NELL1: variants seen among roughly 807,000 people sequenced by gnomAD.
NELL1 encodes the protein neural EGFL like 1.
Under a neutral mutation model 107.4 loss-of-function variants are expected in NELL1, and 76 were observed. The ratio of observed to expected loss-of-function variants is 0.71; its 90% CI spans 0.59 to 0.86. NELL1 has a LOEUF of 0.86. NELL1 is among the 40% of genes least tolerant of loss of function. NELL1 has a pLI of 0.00. For missense variants in NELL1, 1,024 were observed against 1,005.5 expected (o/e 1.02, Z -0.25); for synonymous variants, 353 against 341.2 (o/e 1.03, Z -0.38).
At chr11:21,541,440 C>G (rs1291806025) in intron 16 of NELL1, among the ~76,000 whole-genome samples, 3 of 152,076 alleles carry the variant, frequency 2.0e-5, no homozygotes, top group East Asian at 3.9e-4. Context: ...TCCATTTTAT[C>G]TGGTGGATGT....
intron 12 of NELL1, among the ~76,000 whole-genome samples, chr11:20,974,757 A>G (rs1223072546): frequency 6.6e-6 from 1 of 152,106 alleles, no homozygotes. Flanking sequence ...TTTCTCTTAC[A>G]CTGAAGGCTT....
chr11:21,503,727 G>A (rs1165280925), intron 15 of NELL1, among the ~76,000 whole-genome samples: 2 of 152,140 alleles, frequency 1.3e-5, no homozygotes. Context: ...GCTATTCTCA[G>A]TCAGCAAGAC....
chr11:20,875,676 C>T (rs1849290675), intron 4 of NELL1, among the ~76,000 whole-genome samples: 1 of 152,172 alleles, frequency 6.6e-6, no homozygotes, highest in African/African-American at 2.4e-5. Context: ...CTTATATGAT[C>T]TGGTTATTTG....
chr11:21,069,706 G>A (rs536914395), intron 12 of NELL1, among the ~76,000 whole-genome samples: 2 of 152,236 alleles, frequency 1.3e-5, no homozygotes, highest in South Asian at 2.1e-4. Context: ...TAGAATTTTA[G>A]TATCTTTCTT....
At chr11:21,217,290 C>G (rs1043444130) in intron 13 of NELL1, among the ~76,000 whole-genome samples, 3 of 151,968 alleles carry the variant, frequency 2.0e-5, no homozygotes, top group African/African-American at 7.3e-5. Context: ...TCTTTATCAG[C>G]AGTGTGAGAA....
rs1387107568 is a variant in NELL1, at chr11:20,927,263, T to G, written c.760-45T>G. On this transcript the variant is annotated intron_variant, in intron 7 of 19. Coordinates refer to ENST00000357134, the MANE Select transcript of NELL1 (RefSeq NM_006157.5). ...GTTGCTATTAGCTTTGTTAGGATGA[T>G]GCAATTGAATTACAGAAATTACATT... is the stretch of plus-strand genomic sequence containing the variant. 4 of 1,568,908 alleles carry G rather than the reference T, an allele frequency of 2.5e-6. No homozygotes were observed. The South Asian group carries it at 4.8e-5, about 19-fold the overall frequency.
At chr11:21,176,932 GGTCAA>G (rs1383032287) in intron 13 of NELL1, among the ~76,000 whole-genome samples, 1 of 151,370 alleles carries the variant, frequency 6.6e-6, no homozygotes, top group African/African-American at 2.4e-5. Flanking sequence ...CATGTTATTT[GGTCAA>G]GTCGAGTTCT....
intron 2 of NELL1, among the ~76,000 whole-genome samples, chr11:20,716,834 C>T (rs952319254): frequency 1.3e-5 from 2 of 152,192 alleles, no homozygotes; most frequent in African/African-American, 4.8e-5. Flanking sequence ...TGTATTAGAA[C>T]AGCATTGGGT....
chr11:21,032,290 G>T (rs757183822), intron 12 of NELL1, among the ~76,000 whole-genome samples: 30 of 151,682 alleles, frequency 2.0e-4, no homozygotes, highest in African/African-American at 6.8e-4. Flanking sequence ...CTTTATTGTG[G>T]GTTGCTACCC....
At chr11:21,401,361 G>C (rs146903502) in intron 15 of NELL1, among the ~76,000 whole-genome samples, 170 of 151,842 alleles carry the variant, frequency 1.1e-3, no homozygotes, top group African/African-American at 4.0e-3. Context: ...GACTTTATTT[G>C]TTACTTTGAG....
chr11:21,192,288 T>G (rs1857065661), intron 13 of NELL1, among the ~76,000 whole-genome samples: 1 of 151,930 alleles, frequency 6.6e-6, no homozygotes, highest in South Asian at 2.1e-4. Flanking sequence ...AAACACATTT[T>G]GAATATTTTA....
At chr11:21,516,939 A>G (rs1386368411) in intron 15 of NELL1, among the ~76,000 whole-genome samples, 1 of 151,432 alleles carries the variant, frequency 6.6e-6, no homozygotes, top group Non-Finnish European at 1.5e-5. Flanking sequence ...CAGGGCGCCC[A>G]CCACCACACC....
intron 4 of NELL1, among the ~76,000 whole-genome samples, chr11:20,875,497 A>T (rs1287084159): frequency 6.6e-6 from 1 of 152,216 alleles, no homozygotes; most frequent in African/African-American, 2.4e-5. Context: ...TGAACCCAAG[A>T]GTTTGAGACC....
chr11:21,564,146 C>G (rs897071153), intron 17 of NELL1, among the ~76,000 whole-genome samples: 1 of 151,778 alleles, frequency 6.6e-6, no homozygotes, highest in African/African-American at 2.4e-5. Context: ...ATTGGCAGGG[C>G]CCAGTCAAGG....
chr11:20,872,748 G>A (rs1319653934), intron 4 of NELL1, among the ~76,000 whole-genome samples: 2 of 151,150 alleles, frequency 1.3e-5, no homozygotes, highest in Non-Finnish European at 3.0e-5. Context: ...TGGAGAGGGA[G>A]CAAAATAATT....
At chr11:21,360,283 T>G (rs571661555) in intron 14 of NELL1, among the ~76,000 whole-genome samples, 1 of 152,184 alleles carries the variant, frequency 6.6e-6, no homozygotes, top group African/African-American at 2.4e-5. Context: ...TTAATTTCTA[T>G]GTATTTGTAT....
At chr11:21,217,379 G>A (rs539194142) in intron 13 of NELL1, among the ~76,000 whole-genome samples, 1 of 152,274 alleles carries the variant, frequency 6.6e-6, no homozygotes, top group Non-Finnish European at 1.5e-5. Flanking sequence ...GGGAAGCTGA[G>A]TGAAAGGTAC....
intron 2 of NELL1, among the ~76,000 whole-genome samples, chr11:20,689,759 T>A (rs1413699826): frequency 6.6e-6 from 1 of 151,508 alleles, no homozygotes; most frequent in Non-Finnish European, 1.5e-5. Context: ...TGTGCGTGTG[T>A]CTTTATAGCA....
intron 7 of NELL1, chr11:20,927,107 C>A: frequency 1.9e-6 from 1 of 529,458 alleles, no homozygotes; most frequent in Non-Finnish European, 3.3e-6. Flanking sequence ...ACCATGACAG[C>A]CAATATTTCT....
Sources: gnomAD v4.1 joint callset for allele counts (sites outside exome capture counted in the v4.1 genomes callset) on GRCh38, gnomAD v4.1.1 for gene constraint, MANE v1.5 for transcripts, NCBI Gene and HGNC (gene_info 2026-07-23, HGNC 2026-07-21) for gene names.